The following ANO9 variants were observed in gnomAD, a reference collection of about 807,000 sequenced individuals.
ANO9 encodes the protein anoctamin-9.
A neutral mutation model predicts 100.5 loss-of-function variants in ANO9; 80 were observed. The observed-to-expected ratio is 0.80, with a 90% CI of 0.66 to 0.96. ANO9 has a LOEUF of 0.96. Ranked by LOEUF, ANO9 falls within the 40% of genes least tolerant of loss-of-function variation. The pLI is 0.00. For synonymous variants in ANO9, 473 were observed against 435.6 expected, an observed-to-expected ratio of 1.09 and a Z score of -1.07; for missense variants, 1,064 against 1,072.7, an observed-to-expected ratio of 0.99 and a Z score of 0.11.
chr11:429,905 G>C (rs879355479), intron 9 of ANO9, 87 bp from the exon 10 acceptor site: 409 of 1,286,658 alleles, frequency 3.2e-4, no homozygotes, highest in Non-Finnish European at 4.3e-4. Flanking sequence ...GGAAAGCCGG[G>C]GAAGGGGGCA....
intron 4 of ANO9, 179 bp downstream of exon 4, chr11:433,135 T>C (rs6598022): frequency 0.83 from 625,850 of 752,220 alleles, 262,547 homozygotes; most frequent in East Asian, 1. Context: ...TTTAATGGGA[T>C]GGGGAAGCTG....
intron 4 of ANO9, 98 bp downstream of exon 4, chr11:433,216 C>T (rs1003014560): frequency 1.9e-5 from 28 of 1,486,238 alleles, no homozygotes; most frequent in African/African-American, 1.4e-4. Context: ...CCTGCCTTGG[C>T]GACGCCTGGA....
intron 8 of ANO9, 41 bp downstream of exon 8, chr11:430,228 C>T: frequency 1.3e-6 from 2 of 1,550,696 alleles, no homozygotes; most frequent in Non-Finnish European, 1.7e-6. Flanking sequence ...GGCAGCAGGG[C>T]CCACCCCGGC....
At chr11:428,251 G>C (rs1848644052) in intron 14 of ANO9, 52 bp from the exon 15 acceptor site, 1 of 1,607,254 alleles carries the variant, frequency 6.2e-7, no homozygotes, top group Non-Finnish European at 8.5e-7. Context: ...AGAGGCCCTG[G>C]GGCAGCAGGA....
At position 432,469 on chromosome 11, in the gene ANO9, C is replaced by T. The variant is rs1483577429; in HGVS notation, c.351-415G>A. 1 of 181,234 alleles carries T rather than the reference C, an allele frequency of 5.5e-6. No individual in the cohort carries two copies. The highest frequency in any genetic ancestry group is 5.7e-5 in the Admixed American group (1 of 17,538). 11.2% of individuals were successfully genotyped at this position (181,234 alleles called of 1,614,324 possible). A position where few individuals can be genotyped will look rare whatever the true frequency, so the allele number is the denominator to read the frequency against. On this transcript the variant is annotated intron_variant, in intron 4 of 22. Transcript: ENST00000332826. The surrounding 1 kb of genome is among the most constrained non-coding windows in gnomAD (Gnocchi z 4.8). Reference sequence around the variant, plus strand: ...CCACTGTGCAGAGCAGAGACTGGGGCTCAGGAAAGGGAACGTCCCAAGGCC... The same window carrying T: ...CCACTGTGCAGAGCAGAGACTGGGGTTCAGGAAAGGGAACGTCCCAAGGCC...
At chr11:440,564 G>A (rs1422436790) in intron 1 of ANO9, 5 of 152,500 alleles carry the variant, frequency 3.3e-5, no homozygotes, top group Admixed American at 2.0e-4. Flanking sequence ...CTCCTGGGAG[G>A]TCACCATACT....
chr11:425,005 C>A (rs1377113921), intron 15 of ANO9, among the ~76,000 whole-genome samples: 1 of 130,420 alleles, frequency 7.7e-6, no homozygotes, highest in Non-Finnish European at 1.6e-5. Flanking sequence ...GGAGACGGGA[C>A]GCGCGGGAGG....
chr11:429,862 G>A, intron 9 of ANO9, 44 bp from the exon 10 acceptor site: 1 of 1,535,800 alleles, frequency 6.5e-7, no homozygotes, highest in South Asian at 1.2e-5. Context: ...GGGTGAGCTG[G>A]GGAGGGGGGC....
intron 15 of ANO9, among the ~76,000 whole-genome samples, chr11:425,515 C>T (rs1215601509): frequency 6.8e-6 from 1 of 147,530 alleles, no homozygotes. Flanking sequence ...AAATATGATG[C>T]AAAGTAAAAC....
At chr11:420,387 G>T in intron 19 of ANO9, 76 bp downstream of exon 19, 1 of 1,554,286 alleles carries the variant, frequency 6.4e-7, no homozygotes. Flanking sequence ...TTCCAGGTGA[G>T]CCGGCCTGGC....
At chr11:424,203 A>C (rs1848361948) in intron 15 of ANO9, among the ~76,000 whole-genome samples, 4 of 152,212 alleles carry the variant, frequency 2.6e-5, no homozygotes, top group Admixed American at 2.6e-4. Flanking sequence ...CCACAGTTGA[A>C]CATATTTATT....
In ANO9 at chr11:431,920, G is replaced by T; in HGVS notation, c.407-14C>A. ...CCTCGAAGGTCTCTGGGTCACAGGGGTTCACGAGTCAGGGGGAGTGAGGTG... is the reference window on the plus strand; with the variant it reads ...CCTCGAAGGTCTCTGGGTCACAGGGTTTCACGAGTCAGGGGGAGTGAGGTG... On this transcript the variant is annotated splice_polypyrimidine_tract_variant and intron_variant, in intron 5 of 22. Transcript: ENST00000332826. 1.2e-6 allele frequency: 2 copies of T among 1,611,344 alleles called. No individual in the cohort carries two copies. The highest frequency in any genetic ancestry group is 1.7e-6 in the Non-Finnish European group (2 of 1,178,566).
intron 11 of ANO9, among the ~76,000 whole-genome samples, chr11:429,281 C>T (rs1177841646): frequency 1.4e-5 from 2 of 140,080 alleles, no homozygotes; most frequent in Admixed American, 1.4e-4. Flanking sequence ...GGACACTCAC[C>T]CCACACATGG....
chr11:422,970 C>T lies in ANO9; in HGVS notation c.1335-1772G>A, dbSNP rs539949557. ...TCAGCCTCCTGAGTAGCTGGGATTA[C>T]AGGTGCGCGCCACCACGCCTGGCTA... On this transcript the variant is annotated intron_variant, in intron 15 of 22. Transcript: ENST00000332826. This position sits in a 1 kb window ranked among gnomAD's most constrained non-coding sequence, Gnocchi z 4.3. Among the ~76,000 whole-genome samples the T allele has an allele frequency of 3.4e-4, 51 of 152,036 alleles. No individual in the cohort carries two copies. Among genetic ancestry groups the T allele is most frequent in the African/African-American group, 1.2e-3 (50 of 41,446 alleles).
chr11:423,990 C>T (rs1273829780), intron 15 of ANO9, among the ~76,000 whole-genome samples: 1 of 151,832 alleles, frequency 6.6e-6, no homozygotes, highest in East Asian at 1.9e-4. Context: ...TTCACTGCAA[C>T]CTCTGCCTCC....
intron 15 of ANO9, among the ~76,000 whole-genome samples, chr11:427,703 C>CTCTG (rs1403844240): frequency 1.3e-5 from 2 of 151,792 alleles, no homozygotes; most frequent in East Asian, 3.9e-4. Context: ...AAGACCCTGT[C>CTCTG]TCTGTCTCTC....
chr11:424,594 A>G (rs577561145), intron 15 of ANO9, among the ~76,000 whole-genome samples: 113 of 152,352 alleles, frequency 7.4e-4, no homozygotes, highest in Admixed American at 1.8e-3. Context: ...AGAAAAATCA[A>G]TTCAGTTCCT....
At position 418,929 on chromosome 11, in the gene ANO9, G is replaced by A; in HGVS notation, c.1995C>T (p.Asp665=). 1 of 1,613,624 alleles carries A rather than the reference G, an allele frequency of 6.2e-7. No individual in the cohort carries two copies. Among genetic ancestry groups the A allele is most frequent in the Non-Finnish European group, 8.5e-7 (1 of 1,179,992 alleles). Residue 665 remains aspartate, a synonymous_variant, in exon 21 of 23, where the codon GAC becomes GAT. Transcript: ENST00000332826. ...TTTCTGAGCCCTCAATCCCATCAGG[G>A]TCCTGGAAGTCCTTGGTGTGGAAGA... The part of the protein sequence containing the change: ...LSVFHTKDFQ[D]PDGIEGSENV...
At chr11:437,021 T>TGAGCGGGGGGG in intron 1 of ANO9, among the ~76,000 whole-genome samples, 2 of 57,482 alleles carry the variant, frequency 3.5e-5, no homozygotes, top group African/African-American at 7.0e-5. Context: ...GAGCTGGAGA[T>TGAGCGGGGGGG]GAGCGGGGGG....
Sources: gnomAD v4.1 joint callset for allele counts (sites outside exome capture counted in the v4.1 genomes callset) on GRCh38, gnomAD v4.1.1 for gene constraint, Gnocchi (gnomAD v3.1) non-coding constraint, MANE v1.5 for transcripts, NCBI Gene and HGNC (gene_info 2026-07-23, HGNC 2026-07-21) for gene names.